Variants in DAZAP1 observed in about 807,000 individuals in gnomAD.
The protein encoded by DAZAP1 is DAZ associated protein 1, also known as DAZ-associated protein 1.
Under a neutral mutation model 60.1 loss-of-function variants are expected in DAZAP1, and 6 were observed. That is an observed-to-expected ratio of 0.10 (90% CI 0.05 to 0.20). The LOEUF (loss-of-function observed/expected upper bound fraction) is 0.20, where lower values mean the gene tolerates loss of function less well. DAZAP1 is among the 10% of genes least tolerant of loss of function. The pLI, the probability that DAZAP1 is intolerant of heterozygous loss-of-function variation, is 1.00. For missense variants in DAZAP1, 366 were observed against 560.4 expected (o/e 0.65, Z 3.50); for synonymous variants, 235 against 215.9 (o/e 1.09, Z -0.78).
rs58556278 is a variant in DAZAP1 at position 1,422,845 on chromosome 19, CTTTTCT to C, written c.463+460_463+465del. Among the ~76,000 whole-genome samples the C allele has an allele frequency of 1.6e-3, 242 of 148,934 alleles. 1 individual carries two copies. The highest frequency in any genetic ancestry group is 5.9e-3 in the African/African-American group (236 of 39,752). ...TTTTCTTTCTTTCTTTTTTCCTTTT[CTTTTCT>C]TTTTCTTTTTTTTCAGTTTTCTCCC... On this transcript the variant is annotated intron_variant, in intron 6 of 11. Transcript: ENST00000233078. The surrounding 1 kb of genome is among the most constrained non-coding windows in gnomAD (Gnocchi z 4.5).
rs2083524886 is a variant in DAZAP1 at position 1,433,935 on chromosome 19, G to C, written c.1049-802G>C. The C allele has an allele frequency of 4.0e-6, 4 of 1,002,730 alleles. No individual in the cohort carries two copies. Among genetic ancestry groups the C allele is most frequent in the Non-Finnish European group, 1.5e-6 (1 of 655,442 alleles). The allele number at this position is 1,002,730 out of a possible 1,614,324, so 62.1% of individuals were successfully genotyped here. Reference sequence around the variant, plus strand: ...GGGTGGACGCTGGCGGTGCCCTCTGGGAAGGGGCCCTTGCCGGTGCCAAGA... The same window carrying C: ...GGGTGGACGCTGGCGGTGCCCTCTGCGAAGGGGCCCTTGCCGGTGCCAAGA... On this transcript the variant is annotated intron_variant, in intron 11 of 11. Coordinates refer to ENST00000233078, the MANE Select transcript of DAZAP1 (RefSeq NM_018959.4). The surrounding 1 kb of genome is among the most constrained non-coding windows in gnomAD (Gnocchi z 6.1).
In DAZAP1 at chr19:1,422,726, C is replaced by T. The variant is rs1229114449; in HGVS notation, c.463+330C>T. On this transcript the variant is annotated intron_variant, in intron 6 of 11. Coordinates refer to ENST00000233078, the MANE Select transcript of DAZAP1 (RefSeq NM_018959.4). This position sits in a 1 kb window ranked among gnomAD's most constrained non-coding sequence, Gnocchi z 4.5. The stretch of plus-strand genomic sequence containing the variant: ...TGACCTTCCTTCACCCTCATCCAGT[C>T]CTCCCAGTGTGGCCGGTCTCATTTC... 6.6e-6 allele frequency among the ~76,000 whole-genome samples: 1 copy of T among 152,152 alleles called. No individual in the cohort carries two copies. Among genetic ancestry groups the T allele is most frequent in the African/African-American group, 2.4e-5 (1 of 41,434 alleles).
At chr19:1,410,346 C>T (rs779875060) in intron 1 of DAZAP1, among the ~76,000 whole-genome samples, 34 of 152,100 alleles carry the variant, frequency 2.2e-4, no homozygotes, top group Non-Finnish European at 1.0e-4. Flanking sequence ...GCACGCGGAC[C>T]CTACATGGTG....
rs551216036 is a variant in DAZAP1 at position 1,430,056 on chromosome 19, C to T, written c.730+60C>T. ...GAAGCCACATGGCAGGCTGACTCGC[C>T]AGGTGTCCTGGGGCAGCCGGCAAAG... On this transcript the variant is annotated intron_variant, in intron 9 of 11. Coordinates refer to ENST00000233078, the MANE Select transcript of DAZAP1 (RefSeq NM_018959.4). 3.6e-5 allele frequency: 57 copies of T among 1,582,174 alleles called. 1 individual carries two copies. In the South Asian group the frequency reaches 6.3e-4, roughly 17 times the overall value.
At chr19:1,421,319 G>A in intron 5 of DAZAP1, 61 bp downstream of exon 5, 1 of 1,495,706 alleles carries the variant, frequency 6.7e-7, no homozygotes, top group Non-Finnish European at 9.3e-7. Flanking sequence ...TCAGGCCTGG[G>A]CCTTCTTGGG....
intron 10 of DAZAP1, among the ~76,000 whole-genome samples, chr19:1,431,575 G>A (rs573346092): frequency 6.6e-5 from 10 of 152,176 alleles, no homozygotes; most frequent in Admixed American, 1.3e-4. Context: ...GATTACAGGC[G>A]TCTGCCACCA....
At chr19:1,419,567 C>T (rs544530157) in intron 4 of DAZAP1, among the ~76,000 whole-genome samples, 2 of 152,336 alleles carry the variant, frequency 1.3e-5, no homozygotes, top group South Asian at 4.1e-4. Context: ...GTGTCCAGGC[C>T]GTGTTCCCAG....
rs758927237 is a variant in DAZAP1 at position 1,418,329 on chromosome 19, A to G, written c.196A>G (p.Thr66Ala). ...VKFKDPNCVG[T>A]VLASRPHTLD... ...ATTTAAAGACCCAAACTGTGTGGGG[A>G]CGGTGCTGGCCAGCAGACCGCACAC... The change falls in exon 3 of 12, where the codon ACG (threonine) becomes GCG (alanine). Residue 66 changes from threonine to alanine, a missense_variant. By Grantham distance (58) the Thr-to-Ala change is moderately conservative. Transcript: ENST00000233078. This position sits in a 1 kb window ranked among gnomAD's most constrained non-coding sequence, Gnocchi z 5.7. The G allele has an allele frequency of 6.2e-7, 1 of 1,614,096 alleles. No homozygotes were observed. The highest frequency in any genetic ancestry group is 8.5e-7 in the Non-Finnish European group (1 of 1,180,024).
In DAZAP1 at chr19:1,428,963, C is replaced by G; in HGVS notation, c.668C>G (p.Pro223Arg). 6.2e-7 allele frequency: 1 copy of G among 1,606,556 alleles called. No homozygotes were observed. The highest frequency in any genetic ancestry group is 8.5e-7 in the Non-Finnish European group (1 of 1,176,940). ...NAANGWAGQPPPTWQQGYGPQ... is the reference protein window; with the variant it reads ...NAANGWAGQPRPTWQQGYGPQ... ...GCCAATGGCTGGGCAGGCCAGCCCC[C>G]GCCCACGTGGCAGCAAGGATATGGC... Residue 223 changes from proline to arginine, a missense_variant, in exon 8 of 12, where the codon CCG becomes CGG. By Grantham distance (103) the Pro-to-Arg change is moderately radical. Coordinates refer to ENST00000233078, the MANE Select transcript of DAZAP1 (RefSeq NM_018959.4). This position sits in a 1 kb window ranked among gnomAD's most constrained non-coding sequence, Gnocchi z 4.0.
rs143592204 is a variant in DAZAP1, at chr19:1,419,407, G to A, written c.303+676G>A. On this transcript the variant is annotated intron_variant, in intron 4 of 11. Coordinates refer to ENST00000233078, the MANE Select transcript of DAZAP1 (RefSeq NM_018959.4). ...CAGCCTCTCCACAGTGTGGGCAGCA[G>A]GGTGGGGTCTATATGTATTTACATC... Among the ~76,000 whole-genome samples the A allele has an allele frequency of 6.7e-3, 1,023 of 152,336 alleles. 8 individuals are homozygous for A. Among genetic ancestry groups the A allele is most frequent in the Non-Finnish European group, 8.1e-3 (548 of 68,024 alleles).
chr19:1,432,287 A>T lies in DAZAP1; in HGVS notation c.872-227A>T, dbSNP rs2083471301. On this transcript the variant is annotated intron_variant, in intron 10 of 11. Transcript: ENST00000233078. The surrounding 1 kb of genome is among the most constrained non-coding windows in gnomAD (Gnocchi z 4.9). Reference sequence around the variant, plus strand: ...GTGAGGAACGAGGTGGCCCTGCTGCAGCTCAGCATCCCGCCACGCTCCCAG... The same window carrying T: ...GTGAGGAACGAGGTGGCCCTGCTGCTGCTCAGCATCCCGCCACGCTCCCAG... The T allele has an allele frequency of 1.8e-6, 1 of 564,502 alleles. No individual in the cohort carries two copies. Among genetic ancestry groups the T allele is most frequent in the Non-Finnish European group, 3.1e-6 (1 of 319,058 alleles). 35.0% of individuals were successfully genotyped at this position (564,502 alleles called of 1,614,324 possible).
chr19:1,421,954 C>T (rs918576805), intron 5 of DAZAP1, among the ~76,000 whole-genome samples: 3 of 152,180 alleles, frequency 2.0e-5, no homozygotes, highest in Admixed American at 6.5e-5. Context: ...GAGTGAGGGC[C>T]GAGCGTGCCC....
rs1048647957 is a variant in DAZAP1 at position 1,433,053 on chromosome 19, G to C, written c.1048+363G>C. The C allele has an allele frequency of 1.7e-5, 4 of 234,104 alleles. No homozygotes were observed. Among genetic ancestry groups the C allele is most frequent in the African/African-American group, 9.2e-5 (4 of 43,446 alleles). The allele number at this position is 234,104 out of a possible 1,614,324, so 14.5% of individuals were successfully genotyped here. A position where few individuals can be genotyped will look rare whatever the true frequency, so the allele number is the denominator to read the frequency against. ...CCCGGGTGCACTGGCCCCTTGGTGG[G>C]TTCCAGTTTCTGGCGTCATCAGCCT... On this transcript the variant is annotated intron_variant, in intron 11 of 11. Transcript: ENST00000233078. The surrounding 1 kb of genome is among the most constrained non-coding windows in gnomAD (Gnocchi z 6.1).
chr19:1,409,161 C>T (rs1208696964), intron 1 of DAZAP1, among the ~76,000 whole-genome samples: 3 of 152,368 alleles, frequency 2.0e-5, no homozygotes, highest in East Asian at 1.9e-4. Context: ...CCTCTCCAGG[C>T]ACTTTGACTT....
At chr19:1,431,184 A>G (rs1488636727) in intron 10 of DAZAP1, among the ~76,000 whole-genome samples, 1 of 151,136 alleles carries the variant, frequency 6.6e-6, no homozygotes, top group East Asian at 2.0e-4. Flanking sequence ...GCTAGAGTGC[A>G]GTGGCGCCAT....
At position 1,433,368 on chromosome 19, in the gene DAZAP1, C is replaced by T. The variant is rs2083504793; in HGVS notation, c.1048+678C>T. ...GGCAGGGCTCCAACTACGGTCAGCT[C>T]CTCCAGCACCAGGGGTCATTCACAA... On this transcript the variant is annotated intron_variant, in intron 11 of 11. Transcript: ENST00000233078. This position sits in a 1 kb window ranked among gnomAD's most constrained non-coding sequence, Gnocchi z 6.1. 3.6e-6 allele frequency: 1 copy of T among 278,940 alleles called. No homozygotes were observed. Among genetic ancestry groups the T allele is most frequent in the Non-Finnish European group, 7.0e-6 (1 of 143,154 alleles). The allele number at this position is 278,940 out of a possible 1,614,324, so 17.3% of individuals were successfully genotyped here. A position where few individuals can be genotyped will look rare whatever the true frequency, so the allele number is the denominator to read the frequency against.
rs540727830 is a variant in DAZAP1 at position 1,422,229 on chromosome 19, C to T, written c.415-119C>T. The T allele has an allele frequency of 7.6e-5, 67 of 876,538 alleles. No homozygotes were observed. Among genetic ancestry groups the T allele is most frequent in the African/African-American group, 3.5e-4 (21 of 59,264 alleles). The allele number at this position is 876,538 out of a possible 1,614,324, so 54.3% of individuals were successfully genotyped here. On this transcript the variant is annotated intron_variant, in intron 5 of 11. Transcript: ENST00000233078. The surrounding 1 kb of genome is among the most constrained non-coding windows in gnomAD (Gnocchi z 4.5). ...GCAGCTGTTGCCCGTGCACCTCCCC[C>T]GCTCAGGGAGGGCGCACCCTGTGCG...
At chr19:1,407,851 C>G in intron 1 of DAZAP1, 49 bp downstream of exon 1, 1 of 1,053,926 alleles carries the variant, frequency 9.5e-7, no homozygotes, top group Non-Finnish European at 1.1e-6. Context: ...GCCCGGCCCG[C>G]CGCTCCCCGC....
chr19:1,420,075 CA>C lies in DAZAP1; in HGVS notation c.304-1072del, dbSNP rs1232675282. Among the ~76,000 whole-genome samples the C allele has an allele frequency of 6.0e-4, 63 of 105,406 alleles. 1 individual carries two copies. Among genetic ancestry groups the C allele is most frequent in the East Asian group, 4.9e-3 (13 of 2,630 alleles). 69.2% of individuals were successfully genotyped at this position (105,406 alleles called of 152,430 possible). A position where few individuals can be genotyped will look rare whatever the true frequency, so the allele number is the denominator to read the frequency against. ...GCGCACACTCATGAAACCATCCCTA[CA>C]GTCACGGCAGCGAGCACTCACCCCA... On this transcript the variant is annotated intron_variant, in intron 4 of 11. Transcript: ENST00000233078.
Sources: gnomAD v4.1 joint callset for allele counts (sites outside exome capture counted in the v4.1 genomes callset) on GRCh38, gnomAD v4.1.1 for gene constraint, Gnocchi (gnomAD v3.1) non-coding constraint, MANE v1.5 for transcripts, NCBI Gene and HGNC (gene_info 2026-07-23, HGNC 2026-07-21) for gene names.